The following NFIB variants were observed in gnomAD, a reference collection of about 807,000 sequenced individuals.
NFIB encodes the protein nuclear factor I B, also known as nuclear factor 1 B-type.
A neutral mutation model predicts 61.5 loss-of-function variants in NFIB; 11 were observed. The ratio of observed to expected loss-of-function variants is 0.18; its 90% CI spans 0.11 to 0.30. The LOEUF is 0.30. Ranked by LOEUF, NFIB falls within the 10% of genes least tolerant of loss-of-function variation. NFIB has a pLI of 1.00. For missense variants in NFIB, 471 were observed against 608.9 expected, an observed-to-expected ratio of 0.77 and a Z score of 2.38; for synonymous variants, 260 against 216.5, an observed-to-expected ratio of 1.20 and a Z score of -1.76.
rs937700575 is a variant in NFIB, at chr9:14,379,828, G to A, written c.108+18696C>T. 2.0e-5 allele frequency among the ~76,000 whole-genome samples: 3 copies of A among 151,984 alleles called. 1 individual carries two copies. The highest frequency in any genetic ancestry group is 7.3e-5 in the African/African-American group (3 of 41,376). On this transcript the variant is annotated intron_variant, in intron 1 of 8. Coordinates refer to the NFIB transcript ENST00000380934. ...CTCCCGAGTAGCTGGAATTACAGGTGCCTGCCACCACACCCAGCTAGTTTT... is the reference window on the plus strand; with the variant it reads ...CTCCCGAGTAGCTGGAATTACAGGTACCTGCCACCACACCCAGCTAGTTTT...
intron 2 of NFIB, among the ~76,000 whole-genome samples, chr9:14,254,094 T>C (rs1306539839): frequency 6.6e-6 from 1 of 152,040 alleles, no homozygotes; most frequent in African/African-American, 2.4e-5. Flanking sequence ...TTGAGGCCAG[T>C]AGTTTGAGAC....
chr9:14,199,448 G>A (rs2048786492), intron 2 of NFIB, among the ~76,000 whole-genome samples: 1 of 152,208 alleles, frequency 6.6e-6, no homozygotes, highest in South Asian at 2.1e-4. Flanking sequence ...TAAATGGCCT[G>A]CCAGACCCTA....
the NFIB span, among the ~76,000 whole-genome samples, chr9:14,481,606 G>C: frequency 6.6e-6 from 1 of 151,836 alleles, no homozygotes; most frequent in Non-Finnish European, 1.5e-5. Context: ...CTCCTCCGTC[G>C]ACTGATTTCC....
intron 1 of NFIB, among the ~76,000 whole-genome samples, chr9:14,378,852 A>G (rs2132993523): frequency 6.6e-6 from 1 of 152,314 alleles, no homozygotes; most frequent in South Asian, 2.1e-4. Flanking sequence ...GAGATAAATC[A>G]GGGTGTAGTT....
the NFIB span, among the ~76,000 whole-genome samples, chr9:14,441,074 T>TA: frequency 1.8e-4 from 21 of 114,874 alleles, no homozygotes; most frequent in Non-Finnish European, 2.8e-4. Flanking sequence ...ATATCTTGGA[T>TA]AAAAAAACCT....
In NFIB at chr9:14,270,594, AAAAAAAAAAAAAAG is replaced by A. The variant is rs1248718177; in HGVS notation, c.562+36381_562+36394del. On this transcript the variant is annotated intron_variant, in intron 2 of 10. Transcript: ENST00000380953. ...CCTTAGATCACAAAAAAAAAAAAAA[AAAAAAAAAAAAAAG>A]GCAGAGGACAGAAACAACATCAGCT... 7.1e-3 allele frequency among the ~76,000 whole-genome samples: 1,072 copies of A among 150,328 alleles called. 12 individuals carry two copies. Among genetic ancestry groups the A allele is most frequent in the African/African-American group, 0.024 (997 of 41,070 alleles).
chr9:14,108,671 C>G (rs2036912636), intron 10 of NFIB, among the ~76,000 whole-genome samples: 1 of 151,966 alleles, frequency 6.6e-6, no homozygotes, highest in Non-Finnish European at 1.5e-5. Context: ...CTGAATTGAT[C>G]AGGCCACTGA....
At chr9:14,207,568 G>A (rs570422207) in intron 2 of NFIB, among the ~76,000 whole-genome samples, 3 of 152,290 alleles carry the variant, frequency 2.0e-5, no homozygotes, top group South Asian at 2.1e-4. Flanking sequence ...GAGCAGCTCC[G>A]TGCAGGGACT....
chr9:14,336,460 G>A (rs2060886985), intron 1 of NFIB, among the ~76,000 whole-genome samples: 1 of 152,212 alleles, frequency 6.6e-6, no homozygotes, highest in Admixed American at 6.5e-5. Flanking sequence ...AACCCAGGTG[G>A]AAGGTGGGAA....
intron 2 of NFIB, among the ~76,000 whole-genome samples, chr9:14,202,770 T>C (rs2049192229): frequency 6.6e-6 from 1 of 152,222 alleles, no homozygotes; most frequent in Non-Finnish European, 1.5e-5. Flanking sequence ...TGGATTGTGA[T>C]GTCATATTTC....
At chr9:14,326,698 G>GAAAAA (rs34910775) in intron 1 of NFIB, among the ~76,000 whole-genome samples, 3 of 125,474 alleles carry the variant, frequency 2.4e-5, no homozygotes, top group Non-Finnish European at 4.8e-5. Flanking sequence ...GTGGTTTACA[G>GAAAAA]AAAAAAAAAA....
chr9:14,156,187 G>A (rs956639226), intron 3 of NFIB, among the ~76,000 whole-genome samples: 7 of 152,102 alleles, frequency 4.6e-5, no homozygotes, highest in African/African-American at 1.4e-4. Flanking sequence ...ATGGTCTGTG[G>A]GCTCTCAGTG....
At chr9:14,507,451 C>T in the NFIB span, among the ~76,000 whole-genome samples, 1 of 152,152 alleles carries the variant, frequency 6.6e-6, no homozygotes, top group African/African-American at 2.4e-5. Context: ...GCTTTCATTA[C>T]TAATTCCTTT....
At chr9:14,097,868 C>CTTTTTTTTT (rs2035082122) in intron 10 of NFIB, among the ~76,000 whole-genome samples, 2 of 120,998 alleles carry the variant, frequency 1.7e-5, no homozygotes, top group African/African-American at 6.2e-5. Flanking sequence ...TTCTTTCTTT[C>CTTTTTTTTT]TTTTTTCTTT....
At chr9:14,398,282 G>A (rs1442187976) in intron 1 of NFIB, among the ~76,000 whole-genome samples, 9 of 152,018 alleles carry the variant, frequency 5.9e-5, no homozygotes, top group Admixed American at 1.3e-4. Context: ...TCTTTTCCCC[G>A]AAACATCTAC....
At chr9:14,413,414 T>C in the NFIB span, among the ~76,000 whole-genome samples, 1 of 152,214 alleles carries the variant, frequency 6.6e-6, no homozygotes, top group South Asian at 2.1e-4. Context: ...CAGTTTGTTA[T>C]ATAGTCAATA....
chr9:14,367,721 C>G (rs932989630), intron 1 of NFIB, among the ~76,000 whole-genome samples: 2 of 152,106 alleles, frequency 1.3e-5, no homozygotes, highest in East Asian at 1.9e-4. Flanking sequence ...GAGTTCATGT[C>G]CTTTGCAGGG....
intron 2 of NFIB, among the ~76,000 whole-genome samples, chr9:14,197,694 C>A (rs1563890805): frequency 6.6e-6 from 1 of 152,166 alleles, no homozygotes; most frequent in South Asian, 2.1e-4. Context: ...TTTGACAGAA[C>A]ATGTGTTCCA....
intron 10 of NFIB, among the ~76,000 whole-genome samples, chr9:14,092,985 T>G (rs531416166): frequency 6.6e-6 from 1 of 152,162 alleles, no homozygotes; most frequent in South Asian, 2.1e-4. Flanking sequence ...TCTGGTTATG[T>G]TTTTTTAAAA....
Sources: allele counts gnomAD v4.1 joint callset (sites outside exome capture counted in the v4.1 genomes callset), GRCh38; gene constraint gnomAD v4.1.1; transcripts MANE v1.5; gene names NCBI Gene and HGNC (gene_info 2026-07-23, HGNC 2026-07-21).